SRGAP2: variants seen among roughly 807,000 people sequenced by gnomAD.
The protein encoded by SRGAP2 is SLIT-ROBO Rho GTPase activating protein 2.
A neutral mutation model predicts 57.2 loss-of-function variants in SRGAP2; 15 were observed. That is an observed-to-expected ratio of 0.26 (90% CI 0.18 to 0.40). The LOEUF (loss-of-function observed/expected upper bound fraction) is 0.40. SRGAP2 is among the 10% of genes least tolerant of loss of function. SRGAP2 has a pLI of 1.00. For missense variants in SRGAP2, 520 were observed against 669.6 expected (o/e 0.78, Z 2.47); for synonymous variants, 249 against 248.0 (o/e 1.00, Z -0.04).
intron 3 of SRGAP2, among the ~76,000 whole-genome samples, chr1:206,327,276 G>A (rs1284361689): frequency 2.0e-5 from 3 of 149,260 alleles, no homozygotes; most frequent in Non-Finnish European, 3.0e-5. Context: ...GCGGTGAGCC[G>A]AGATCACACC....
At chr1:206,238,977 G>A (rs1184472445) in intron 2 of SRGAP2, among the ~76,000 whole-genome samples, 10 of 152,024 alleles carry the variant, frequency 6.6e-5, no homozygotes, top group Non-Finnish European at 1.3e-4. Flanking sequence ...GGCAGAGGGT[G>A]GAAGGGCTCC....
At chr1:206,372,985 CTTT>C (rs1654796377) in intron 4 of SRGAP2, among the ~76,000 whole-genome samples, 8 of 81,374 alleles carry the variant, frequency 9.8e-5, no homozygotes, top group African/African-American at 3.3e-4. Flanking sequence ...TTCTTTCTTT[CTTT>C]CTTTCTTTCT....
At chr1:206,232,214 A>G (rs1416239738) in intron 2 of SRGAP2, among the ~76,000 whole-genome samples, 2 of 152,222 alleles carry the variant, frequency 1.3e-5, no homozygotes, top group Admixed American at 6.5e-5. Flanking sequence ...TTAGGTTTAC[A>G]TAGTGGAGAG....
At chr1:206,410,842 G>T (rs1659156713) in intron 10 of SRGAP2, among the ~76,000 whole-genome samples, 1 of 152,092 alleles carries the variant, frequency 6.6e-6, no homozygotes, top group Admixed American at 6.6e-5. Flanking sequence ...GCTTTATAAG[G>T]CTGGCATTTT....
chr1:206,404,428 C>T (rs1428008721), intron 8 of SRGAP2, among the ~76,000 whole-genome samples: 12 of 152,262 alleles, frequency 7.9e-5, no homozygotes, highest in East Asian at 1.9e-4. Context: ...AAAGGACGAA[C>T]GGTAACAAGG....
intron 3 of SRGAP2, among the ~76,000 whole-genome samples, chr1:206,319,038 T>C (rs1471972135): frequency 6.6e-6 from 1 of 152,168 alleles, no homozygotes; most frequent in Non-Finnish European, 1.5e-5. Context: ...TACTGATTAA[T>C]GGGTTATTGT....
intron 4 of SRGAP2, among the ~76,000 whole-genome samples, chr1:206,383,586 C>A (rs1207109116): frequency 6.6e-6 from 1 of 151,940 alleles, no homozygotes; most frequent in Non-Finnish European, 1.5e-5. Context: ...ACTTTGAAGT[C>A]CCTAAATGTT....
chr1:206,431,268 C>T (rs1490447624), intron 14 of SRGAP2, among the ~76,000 whole-genome samples: 1 of 152,160 alleles, frequency 6.6e-6, no homozygotes, highest in Non-Finnish European at 1.5e-5. Flanking sequence ...ACAAATTTAT[C>T]AAGTCCCTGA....
At chr1:206,242,122 C>T (rs1374722517) in intron 2 of SRGAP2, among the ~76,000 whole-genome samples, 2 of 151,634 alleles carry the variant, frequency 1.3e-5, no homozygotes, top group African/African-American at 4.9e-5. Flanking sequence ...GGCATAGTGC[C>T]CATCTCCTCC....
chr1:206,205,152 A>C (rs1240164211), intron 1 of SRGAP2: 1 of 152,176 alleles, frequency 6.6e-6, no homozygotes, highest in Non-Finnish European at 1.5e-5. Flanking sequence ...GAGGCCGCCG[A>C]GGTGCCGCAG....
At chr1:206,438,679 T>G (rs1333438876) in intron 16 of SRGAP2, among the ~76,000 whole-genome samples, 4 of 152,244 alleles carry the variant, frequency 2.6e-5, no homozygotes, top group Non-Finnish European at 5.9e-5. Context: ...TGGTTTAGCT[T>G]GTGGTACTGG....
At position 206,218,225 on chromosome 1, in the gene SRGAP2, A is replaced by G. The variant is rs1666776241; in HGVS notation, c.67+12188A>G. On this transcript the variant is annotated intron_variant, in intron 2 of 22. Transcript: ENST00000573034. ...CTACTTGGGAGCCTGAGGCAGGAGA[A>G]TTGCTTGAACCTGGGATGCGGAGGT... Among the ~76,000 whole-genome samples, 4 of 151,682 alleles carry G rather than the reference A, an allele frequency of 2.6e-5. No homozygotes were observed. In the South Asian group the frequency reaches 8.3e-4, roughly 32 times the overall value.
chr1:206,234,400 C>T (rs1226964245), intron 2 of SRGAP2, among the ~76,000 whole-genome samples: 8 of 152,072 alleles, frequency 5.3e-5, no homozygotes, highest in Non-Finnish European at 7.4e-5. Flanking sequence ...CCCTGTACTC[C>T]CCAGTGTCTA....
At chr1:206,355,723 T>C (rs1340663580) in intron 4 of SRGAP2, among the ~76,000 whole-genome samples, 10 of 152,130 alleles carry the variant, frequency 6.6e-5, no homozygotes, top group African/African-American at 2.4e-4. Flanking sequence ...CCCCAGCACT[T>C]TGGGAGGCGG....
intron 3 of SRGAP2, chr1:206,333,216 C>A: frequency 3.3e-6 from 2 of 606,226 alleles, no homozygotes; most frequent in South Asian, 1.7e-5. Flanking sequence ...CTTCAAAGCT[C>A]AGATGGAAAT....
chr1:206,452,975 G>A (rs571285533), intron 19 of SRGAP2, among the ~76,000 whole-genome samples: 1 of 152,074 alleles, frequency 6.6e-6, no homozygotes, highest in African/African-American at 2.4e-5. Flanking sequence ...GATTCCTGGT[G>A]GAGGGAACAG....
intron 2 of SRGAP2, among the ~76,000 whole-genome samples, chr1:206,240,116 AT>A (rs782102074): frequency 6.8e-4 from 103 of 152,196 alleles, no homozygotes; most frequent in African/African-American, 2.4e-3. Flanking sequence ...ATACAAAAAA[AT>A]TAGCTGGGCA....
intron 4 of SRGAP2, among the ~76,000 whole-genome samples, chr1:206,352,862 C>T (rs1417056192): frequency 6.6e-6 from 1 of 152,034 alleles, no homozygotes; most frequent in African/African-American, 2.4e-5. Context: ...GTCCCCCAGG[C>T]TGGAGTCCTG....
intron 22 of SRGAP2, 48 bp from the exon 23 acceptor site, chr1:206,460,989 G>T (rs782615989): frequency 1.5e-6 from 1 of 662,900 alleles, no homozygotes; most frequent in Non-Finnish European, 2.7e-6. Flanking sequence ...GCTCCTTGGG[G>T]AATTCTCCCC....
Sources: gnomAD v4.1 joint callset for allele counts (sites outside exome capture counted in the v4.1 genomes callset) on GRCh38, gnomAD v4.1.1 for gene constraint, MANE v1.5 for transcripts, NCBI Gene and HGNC (gene_info 2026-07-23, HGNC 2026-07-21) for gene names.